WDR45: variants seen among roughly 807,000 people sequenced by gnomAD.
WDR45 encodes WD repeat domain 45, also known as WD repeat domain phosphoinositide-interacting protein 4.
In WDR45, 2 loss-of-function variants were observed where a neutral mutation model predicts 27.3. The observed-to-expected ratio is 0.07, with a 90% CI of 0.03 to 0.23. WDR45 has a LOEUF of 0.23. Ranked by LOEUF, WDR45 falls within the 10% of genes least tolerant of loss-of-function variation. The pLI, the probability that WDR45 is intolerant of heterozygous loss-of-function variation, is 1.00. For missense variants in WDR45, 175 were observed against 311.9 expected (o/e 0.56, Z 3.31); for synonymous variants, 99 against 119.2 (o/e 0.83, Z 1.11).
At chrX:49,077,005 A>G in intron 4 of WDR45, 1 of 367,978 alleles carries the variant, frequency 2.7e-6, no homozygotes, top group Non-Finnish European at 4.8e-6. Context: ...AAGGACCTCA[A>G]AGCTCATCAG....
upstream of WDR45, among the ~76,000 whole-genome samples, chrX:49,084,826 G>A (rs1207720513): frequency 9.1e-6 from 1 of 110,224 alleles, no homozygotes; most frequent in South Asian, 3.8e-4. Context: ...GTAGAGATGG[G>A]GTTTCACCAT....
chrX:49,091,487 C>T (rs1327091183), intron 2 of WDR45, among the ~76,000 whole-genome samples: 1 of 101,700 alleles, frequency 9.8e-6, no homozygotes, highest in Non-Finnish European at 2.0e-5. Flanking sequence ...CGGTGGCTCA[C>T]GCCTGTAATC....
chrX:49,084,896 A>G (rs1424691814), upstream of WDR45, among the ~76,000 whole-genome samples: 2 of 111,513 alleles, frequency 1.8e-5, no homozygotes, highest in African/African-American at 3.3e-5. Flanking sequence ...CGGCCTCCTA[A>G]AGTGCTGAGA....
At chrX:49,097,305 C>T (rs974955800) in intron 2 of WDR45, among the ~76,000 whole-genome samples, 7 of 106,088 alleles carry the variant, frequency 6.6e-5, no homozygotes, top group Non-Finnish European at 1.3e-4. Context: ...GTCGCCCAGG[C>T]GCCCACCACT....
In WDR45 at chrX:49,097,620, G is replaced by A. The variant is rs181511762; in HGVS notation, c.-18+2585C>T. ...TGGGATTACAGGCATGAGCCACCGC[G>A]CCTGGCCTCCCCCAGCTAATTTTTG... On this transcript the variant is annotated intron_variant, in intron 2 of 11. Coordinates refer to the WDR45 transcript ENST00000356463. Among the ~76,000 whole-genome samples the A allele has an allele frequency of 4.5e-3, 472 of 105,872 alleles. 1 individual carries two copies. Among genetic ancestry groups the A allele is most frequent in the Non-Finnish European group, 6.7e-3 (345 of 51,398 alleles). The allele number at this position is 105,872 out of a possible 115,157, so 91.9% of individuals were successfully genotyped here.
intron 6 of WDR45, 171 bp downstream of exon 6, chrX:49,076,259 G>A (rs1602538740): frequency 3.5e-6 from 2 of 578,349 alleles, no homozygotes; most frequent in African/African-American, 4.6e-5. Flanking sequence ...CCGGAGGTGG[G>A]GAGAACTGGC....
chrX:49,089,187 C>T (rs2065096177), intron 2 of WDR45, among the ~76,000 whole-genome samples: 1 of 111,207 alleles, frequency 9.0e-6, no homozygotes, highest in Admixed American at 9.7e-5. Flanking sequence ...ACTCAAGAGG[C>T]TGAGGTGGCA....
chrX:49,080,643 A>G (rs782675852), upstream of WDR45, among the ~76,000 whole-genome samples: 4 of 109,689 alleles, frequency 3.6e-5, no homozygotes, highest in Non-Finnish European at 7.6e-5. Context: ...GGGTTTCACC[A>G]TGTTGGTCAG....
At chrX:49,088,645 A>G (rs781975338) in intron 2 of WDR45, among the ~76,000 whole-genome samples, 7 of 112,379 alleles carry the variant, frequency 6.2e-5, no homozygotes, top group Admixed American at 9.5e-5. Flanking sequence ...AAGCTAATGA[A>G]GCAGGGCCTT....
chrX:49,095,750 G>A (rs868932954), intron 2 of WDR45, among the ~76,000 whole-genome samples: 2 of 80,325 alleles, frequency 2.5e-5, no homozygotes, highest in South Asian at 7.4e-4. Flanking sequence ...GTGAGCCACC[G>A]TGCCCGGCCT....
chrX:49,088,403 G>A (rs1446998955), intron 2 of WDR45, among the ~76,000 whole-genome samples: 2 of 111,120 alleles, frequency 1.8e-5, no homozygotes, highest in Non-Finnish European at 3.8e-5. Flanking sequence ...GCAAAACTCC[G>A]TCTCAACAAC....
chrX:49,076,405 C>T (rs1557084222), intron 6 of WDR45, 25 bp downstream of exon 6: 1 of 1,201,376 alleles, frequency 8.3e-7, no homozygotes, highest in Non-Finnish European at 1.1e-6. Flanking sequence ...CATGCCCTTA[C>T]ACCTGTGTAT....
chrX:49,083,525 C>T (rs1038171704), upstream of WDR45, among the ~76,000 whole-genome samples: 1 of 110,239 alleles, frequency 9.1e-6, no homozygotes, highest in Non-Finnish European at 1.9e-5. Context: ...CAGACTCAAA[C>T]GTACTGTAAT....
chrX:49,098,288 AGTT>A (rs2065133116), intron 2 of WDR45, among the ~76,000 whole-genome samples: 1 of 108,358 alleles, frequency 9.2e-6, no homozygotes, highest in Non-Finnish European at 1.9e-5. Flanking sequence ...TGAGGTCAGG[AGTT>A]TGAGACCAGC....
At chrX:49,075,827 TCCA>T in intron 7 of WDR45, 36 bp downstream of exon 7, 1 of 1,202,394 alleles carries the variant, frequency 8.3e-7, no homozygotes, top group Non-Finnish European at 1.1e-6. Context: ...AGGAAGCCAG[TCCA>T]CCAACCTACC....
intron 2 of WDR45, among the ~76,000 whole-genome samples, chrX:49,098,541 G>A (rs925862097): frequency 4.5e-5 from 5 of 110,591 alleles, no homozygotes; most frequent in Admixed American, 9.7e-5. Context: ...GGGTGCAGTG[G>A]CTCATGCCTG....
chrX:49,099,322 CA>C (rs367934239), intron 2 of WDR45, among the ~76,000 whole-genome samples: 55 of 101,461 alleles, frequency 5.4e-4, no homozygotes, highest in East Asian at 3.0e-3. Context: ...GACTCCATTT[CA>C]AAAAAAAAAA....
chrX:49,090,792 C>G (rs1216146615), intron 2 of WDR45, among the ~76,000 whole-genome samples: 1 of 110,896 alleles, frequency 9.0e-6, no homozygotes, highest in Non-Finnish European at 1.9e-5. Flanking sequence ...CCTGCTTCGG[C>G]CTCTCAAAGT....
intron 2 of WDR45, among the ~76,000 whole-genome samples, chrX:49,086,740 T>A (rs1490438931): frequency 1.8e-5 from 2 of 110,754 alleles, no homozygotes; most frequent in African/African-American, 6.6e-5. Context: ...ATTACAGGCG[T>A]GCACCACCAC....
Sources: gnomAD v4.1 joint callset for allele counts (sites outside exome capture counted in the v4.1 genomes callset) on GRCh38, gnomAD v4.1.1 for gene constraint, MANE v1.5 for transcripts, NCBI Gene and HGNC (gene_info 2026-07-23, HGNC 2026-07-21) for gene names.